The following NIBAN1 variants were observed in gnomAD, a reference collection of about 807,000 sequenced individuals.
The protein encoded by NIBAN1 is protein Niban 1.
NIBAN1 carries 81 observed loss-of-function variants against 75.1 expected under a neutral mutation model. The observed-to-expected ratio is 1.08, with a 90% CI of 0.90 to 1.30. The LOEUF (loss-of-function observed/expected upper bound fraction) is 1.30. Ranked by LOEUF, NIBAN1 falls within the 50% of genes most tolerant of loss-of-function variation. The pLI is 0.00. For synonymous variants in NIBAN1, 436 were observed against 424.8 expected (o/e 1.03, Z -0.32); for missense variants, 1,133 against 1,128.1 (o/e 1.00, Z -0.06).
At position 184,957,778 on chromosome 1, in the gene NIBAN1, C is replaced by T. The variant is rs937078357; in HGVS notation, c.55+16524G>A. Among the ~76,000 whole-genome samples, 3 of 152,302 alleles carry T rather than the reference C, an allele frequency of 2.0e-5. No homozygotes were observed. The East Asian group carries it at 5.8e-4, about 29-fold the overall frequency. On this transcript the variant is annotated intron_variant, in intron 1 of 13. Coordinates refer to ENST00000367511, the MANE Select transcript of NIBAN1 (RefSeq NM_052966.4). Reference sequence around the variant, plus strand: ...AGTCCAAAATCTCCAGAGAATCCAACTTCAGATTCAGCGAGTCCTCAGGAA... The same window carrying T: ...AGTCCAAAATCTCCAGAGAATCCAATTTCAGATTCAGCGAGTCCTCAGGAA...
chr1:184,915,010 C>A (rs1657346727), intron 1 of NIBAN1, among the ~76,000 whole-genome samples: 1 of 152,246 alleles, frequency 6.6e-6, no homozygotes, highest in Admixed American at 6.5e-5. Context: ...GCGTGAGCCA[C>A]TGTGCCCAGC....
At chr1:184,880,727 C>G (rs1369756042) in intron 5 of NIBAN1, among the ~76,000 whole-genome samples, 1 of 152,200 alleles carries the variant, frequency 6.6e-6, no homozygotes, top group African/African-American at 2.4e-5. Context: ...TTGTCAGGAG[C>G]TTTAACTATA....
chr1:184,806,021 C>T lies in NIBAN1; in HGVS notation c.1371G>A (p.Leu457=). ...CCTCTCCTTGGAGATGTGGGGAAAG[C>T]AACTGCTCAAAAGTGAACACTGCAT... ...MENAVFTFEQ[L]LSPHLQGEAS... is the part of the protein sequence containing the mutation. Residue 457 remains leucine, a synonymous_variant, in exon 11 of 14, where the codon TTG becomes TTA. Coordinates refer to ENST00000367511, the MANE Select transcript of NIBAN1 (RefSeq NM_052966.4). 1 of 1,614,130 alleles carries T rather than the reference C, an allele frequency of 6.2e-7. No homozygotes were observed.
chr1:184,867,859 C>CT, intron 5 of NIBAN1: 10 of 985,456 alleles, frequency 1.0e-5, no homozygotes, highest in Non-Finnish European at 1.2e-5. Context: ...ACAGTAGACC[C>CT]TTACCTTAAT....
At chr1:184,823,428 A>G in intron 7 of NIBAN1, 99 bp from the exon 8 acceptor site, 2 of 1,447,758 alleles carry the variant, frequency 1.4e-6, no homozygotes, top group Non-Finnish European at 1.9e-6. Flanking sequence ...CATCATAACA[A>G]ACAGAACTGC....
At chr1:184,805,794 A>G in intron 11 of NIBAN1, 152 bp downstream of exon 11, 1 of 633,400 alleles carries the variant, frequency 1.6e-6, no homozygotes, top group Non-Finnish European at 2.8e-6. Context: ...ACACTGGAGA[A>G]ACTGCAGCGG....
intron 6 of NIBAN1, among the ~76,000 whole-genome samples, chr1:184,831,366 G>A (rs1198726613): frequency 6.6e-6 from 1 of 152,070 alleles, no homozygotes; most frequent in Non-Finnish European, 1.5e-5. Context: ...TTCCCCAACT[G>A]CACTTCACTT....
chr1:184,936,145 G>C (rs949533032), intron 1 of NIBAN1, among the ~76,000 whole-genome samples: 1 of 152,088 alleles, frequency 6.6e-6, no homozygotes, highest in Admixed American at 6.5e-5. Context: ...TGTGTTCCCA[G>C]ATTCCATCAC....
intron 1 of NIBAN1, among the ~76,000 whole-genome samples, chr1:184,935,896 T>C (rs566876968): frequency 4.7e-4 from 71 of 150,864 alleles, no homozygotes; most frequent in African/African-American, 1.7e-3. Flanking sequence ...GTTAGAAGAG[T>C]TTCCCTGGGA....
intron 2 of NIBAN1, among the ~76,000 whole-genome samples, chr1:184,896,842 C>A (rs1326506021): frequency 6.6e-6 from 1 of 152,024 alleles, no homozygotes; most frequent in East Asian, 1.9e-4. Context: ...TATCAAAGAT[C>A]AGTTGGTTGT....
At chr1:184,813,053 G>A (rs1654429239) in intron 9 of NIBAN1, among the ~76,000 whole-genome samples, 1 of 152,178 alleles carries the variant, frequency 6.6e-6, no homozygotes, top group Non-Finnish European at 1.5e-5. Context: ...TTAATTAAAA[G>A]TGAATATCAA....
At chr1:184,926,798 C>T (rs1657696574) in intron 1 of NIBAN1, among the ~76,000 whole-genome samples, 1 of 152,190 alleles carries the variant, frequency 6.6e-6, no homozygotes, top group Non-Finnish European at 1.5e-5. Flanking sequence ...ATAACTCAGA[C>T]TTGCCCTTTT....
At chr1:184,838,753 T>C (rs921846749) in intron 5 of NIBAN1, among the ~76,000 whole-genome samples, 20 of 152,180 alleles carry the variant, frequency 1.3e-4, no homozygotes, top group African/African-American at 4.6e-4. Context: ...TGTGGAGTCA[T>C]TCTAGATTCT....
At position 184,954,955 on chromosome 1, in the gene NIBAN1, C is replaced by T. The variant is rs575246570; in HGVS notation, c.55+19347G>A. ...CGAGAACAGCTGTCTAAAAGAAATG[C>T]CATGTGAGCCATAGATGTAAGCCTC... On this transcript the variant is annotated intron_variant, in intron 1 of 13. Transcript: ENST00000367511. Among the ~76,000 whole-genome samples the T allele has an allele frequency of 9.2e-5, 14 of 152,278 alleles. No individual in the cohort carries two copies. In the South Asian group the frequency reaches 2.9e-3, roughly 32 times the overall value.
rs181128505 is a variant in NIBAN1, at chr1:184,861,956, G to A, written c.601+22677C>T. 1.7e-3 allele frequency among the ~76,000 whole-genome samples: 257 copies of A among 152,280 alleles called. 1 individual carries two copies. Among genetic ancestry groups the A allele is most frequent in the Non-Finnish European group, 1.7e-3 (115 of 68,016 alleles). ...TACTGTCAGCTAGGGACTAAGGCAT[G>A]CCCCAATGTCCTTTTATGTGAAAGA... On this transcript the variant is annotated intron_variant, in intron 5 of 13. Coordinates refer to ENST00000367511, the MANE Select transcript of NIBAN1 (RefSeq NM_052966.4).
chr1:184,967,478 TCA>T (rs1658825891), intron 1 of NIBAN1, among the ~76,000 whole-genome samples: 2 of 152,192 alleles, frequency 1.3e-5, no homozygotes, highest in Non-Finnish European at 2.9e-5. Flanking sequence ...CTGCCATGAT[TCA>T]CACTGCATAT....
intron 1 of NIBAN1, among the ~76,000 whole-genome samples, chr1:184,952,682 G>A (rs1658389146): frequency 6.6e-6 from 1 of 152,238 alleles, no homozygotes; most frequent in Non-Finnish European, 1.5e-5. Context: ...GCCATGGATT[G>A]CACAAGCTTG....
At chr1:184,889,733 A>G (rs1268565847) in intron 4 of NIBAN1, among the ~76,000 whole-genome samples, 1 of 152,214 alleles carries the variant, frequency 6.6e-6, no homozygotes, top group Non-Finnish European at 1.5e-5. Flanking sequence ...CTGACTGTGT[A>G]TTATTGAATG....
At chr1:184,828,754 A>G (rs945875445) in intron 6 of NIBAN1, among the ~76,000 whole-genome samples, 1 of 152,072 alleles carries the variant, frequency 6.6e-6, no homozygotes, top group Admixed American at 6.6e-5. Flanking sequence ...CAGCATTCAC[A>G]TTTTATTAGT....
Sources: gnomAD v4.1 joint callset for allele counts (sites outside exome capture counted in the v4.1 genomes callset) on GRCh38, gnomAD v4.1.1 for gene constraint, MANE v1.5 for transcripts, NCBI Gene and HGNC (gene_info 2026-07-23, HGNC 2026-07-21) for gene names.